The following SLC9A9 variants were observed in gnomAD, a reference collection of about 807,000 sequenced individuals.
SLC9A9 encodes sodium/hydrogen exchanger 9.
In SLC9A9, 62 loss-of-function variants were observed where a neutral mutation model predicts 77.8. The ratio of observed to expected loss-of-function variants is 0.80; its 90% CI spans 0.65 to 0.98. The LOEUF (loss-of-function observed/expected upper bound fraction) is 0.98. Ranked by LOEUF, SLC9A9 falls within the 50% of genes least tolerant of loss-of-function variation. The pLI, the probability that SLC9A9 is intolerant of heterozygous loss-of-function variation, is 0.00. For missense variants in SLC9A9, 775 were observed against 774.9 expected (o/e 1.00, Z 0.00); for synonymous variants, 320 against 283.5 (o/e 1.13, Z -1.29).
At chr3:143,470,483 A>AC (rs2035359972) in intron 11 of SLC9A9, among the ~76,000 whole-genome samples, 1 of 150,446 alleles carries the variant, frequency 6.6e-6, no homozygotes, top group African/African-American at 2.4e-5. Context: ...TCTGGCTCAA[A>AC]AAAAAAAAAA....
chr3:143,801,567 C>T (rs2108863785), intron 2 of SLC9A9, among the ~76,000 whole-genome samples: 1 of 152,256 alleles, frequency 6.6e-6, no homozygotes, highest in Middle Eastern at 3.4e-3. Flanking sequence ...ATGACTGTAT[C>T]TCTCTGATCC....
chr3:143,481,843 T>C (rs2035579890), intron 11 of SLC9A9, among the ~76,000 whole-genome samples: 1 of 152,208 alleles, frequency 6.6e-6, no homozygotes. Context: ...GGAGTTCCAT[T>C]AGCCTGGATA....
chr3:143,796,337 T>A (rs975307303), intron 3 of SLC9A9, among the ~76,000 whole-genome samples: 4 of 152,318 alleles, frequency 2.6e-5, no homozygotes, highest in African/African-American at 9.6e-5. Flanking sequence ...TCATCCAGAA[T>A]AATGCTGTCC....
At chr3:143,318,652 C>A (rs574940795) in intron 14 of SLC9A9, among the ~76,000 whole-genome samples, 1 of 152,168 alleles carries the variant, frequency 6.6e-6, no homozygotes, top group Non-Finnish European at 1.5e-5. Flanking sequence ...AGAGTCCTCA[C>A]CAGTTCTCCC....
chr3:143,516,793 T>C (rs2036209675), intron 9 of SLC9A9, among the ~76,000 whole-genome samples: 1 of 152,174 alleles, frequency 6.6e-6, no homozygotes, highest in African/African-American at 2.4e-5. Context: ...GTAAATTTGC[T>C]GGTCATAGGT....
At chr3:143,797,989 C>T (rs1451175943) in intron 2 of SLC9A9, among the ~76,000 whole-genome samples, 3 of 152,194 alleles carry the variant, frequency 2.0e-5, no homozygotes, top group Non-Finnish European at 4.4e-5. Context: ...GAGATCAACC[C>T]CTGTCCTCCT....
chr3:143,511,079 G>A (rs919918346), intron 9 of SLC9A9, among the ~76,000 whole-genome samples: 6 of 152,252 alleles, frequency 3.9e-5, no homozygotes, highest in Admixed American at 6.5e-5. Flanking sequence ...GCAGAAGATC[G>A]AGAAAAGAAT....
At chr3:143,620,079 C>T (rs2038175453) in intron 6 of SLC9A9, among the ~76,000 whole-genome samples, 1 of 152,162 alleles carries the variant, frequency 6.6e-6, no homozygotes, top group Non-Finnish European at 1.5e-5. Flanking sequence ...CTTCTGGTAG[C>T]CCCTGCCTCC....
At chr3:143,433,763 C>G (rs1044701816) in intron 12 of SLC9A9, among the ~76,000 whole-genome samples, 1 of 152,216 alleles carries the variant, frequency 6.6e-6, no homozygotes, top group African/African-American at 2.4e-5. Flanking sequence ...TATGCAGATT[C>G]CTGACAGCAG....
At chr3:143,316,029 T>C (rs2031198621) in intron 14 of SLC9A9, among the ~76,000 whole-genome samples, 2 of 152,342 alleles carry the variant, frequency 1.3e-5, no homozygotes, top group South Asian at 4.1e-4. Flanking sequence ...ATAATGTGTC[T>C]GGATTTCTGA....
chr3:143,615,791 C>T (rs1293958648), intron 6 of SLC9A9, among the ~76,000 whole-genome samples: 2 of 152,120 alleles, frequency 1.3e-5, no homozygotes, highest in South Asian at 2.1e-4. Context: ...AAAATAGGTG[C>T]TCAGGGAGAT....
intron 12 of SLC9A9, among the ~76,000 whole-genome samples, chr3:143,390,846 C>T (rs2033545963): frequency 6.6e-6 from 1 of 152,216 alleles, no homozygotes; most frequent in South Asian, 2.1e-4. Flanking sequence ...CAGAGCCTCA[C>T]TCATTGCTAG....
intron 4 of SLC9A9, among the ~76,000 whole-genome samples, chr3:143,709,193 G>T (rs1356156314): frequency 6.6e-6 from 1 of 152,048 alleles, no homozygotes; most frequent in African/African-American, 2.4e-5. Flanking sequence ...TCTCAAATTC[G>T]CTGCATATTA....
intron 14 of SLC9A9, among the ~76,000 whole-genome samples, chr3:143,270,076 T>C (rs1325701235): frequency 6.6e-6 from 1 of 152,216 alleles, no homozygotes. Flanking sequence ...CGAAGCCTTG[T>C]TATGATGCGA....
chr3:143,800,265 C>G (rs558425281), intron 2 of SLC9A9, among the ~76,000 whole-genome samples: 1 of 152,144 alleles, frequency 6.6e-6, no homozygotes, highest in Non-Finnish European at 1.5e-5. Context: ...TTACCCTGCT[C>G]AATGCCAATA....
Position 143,500,482 on chromosome 3 carries a change from T to G in SLC9A9, c.1090-5034A>C, listed in dbSNP as rs1417244226. 4.6e-5 allele frequency among the ~76,000 whole-genome samples: 7 copies of G among 152,158 alleles called. No homozygotes were observed. In the East Asian group the frequency reaches 1.3e-3, roughly 29 times the overall value. ...TTTCTCTCTTTATTATTTCCTGCCT[T>G]CAACATAGCTTAGTTTAACCTGTTT... On this transcript the variant is annotated intron_variant, in intron 9 of 15. Coordinates refer to ENST00000316549, the MANE Select transcript of SLC9A9 (RefSeq NM_173653.4).
At position 143,574,515 on chromosome 3, in the gene SLC9A9, C is replaced by T. The variant is rs1366962051; in HGVS notation, c.895-322G>A. Among the ~76,000 whole-genome samples the T allele has an allele frequency of 4.6e-5, 7 of 152,222 alleles. No homozygotes were observed. The East Asian group carries it at 9.7e-4, about 21-fold the overall frequency. On this transcript the variant is annotated intron_variant, in intron 7 of 15. Coordinates refer to ENST00000316549, the MANE Select transcript of SLC9A9 (RefSeq NM_173653.4). ...GATGCACCCCTCAGGAAAGGTGTAGCAGGCACGGAAAAACAAAGCCAAGGA... is the reference window on the plus strand; with the variant it reads ...GATGCACCCCTCAGGAAAGGTGTAGTAGGCACGGAAAAACAAAGCCAAGGA...
rs1226091104 is a variant in SLC9A9, at chr3:143,348,326, T to G, written c.1604+15158A>C. Reference sequence around the variant, plus strand: ...TAAGCAGCTATTGATGGCAGTCTGTTGGACTTTATTCCATTTATTTCTTTC... The same window carrying G: ...TAAGCAGCTATTGATGGCAGTCTGTGGGACTTTATTCCATTTATTTCTTTC... On this transcript the variant is annotated intron_variant, in intron 14 of 15. Transcript: ENST00000316549. Among the ~76,000 whole-genome samples the G allele has an allele frequency of 2.6e-5, 4 of 152,238 alleles. No homozygotes were observed. The East Asian group carries it at 7.7e-4, about 29-fold the overall frequency.
intron 4 of SLC9A9, among the ~76,000 whole-genome samples, chr3:143,718,387 A>AT (rs1172307891): frequency 1.3e-5 from 2 of 151,208 alleles, no homozygotes; most frequent in Admixed American, 6.6e-5. Flanking sequence ...TTGTTTCATG[A>AT]TTTTTTTGAA....
Sources: gnomAD v4.1 joint callset for allele counts (sites outside exome capture counted in the v4.1 genomes callset) on GRCh38, gnomAD v4.1.1 for gene constraint, MANE v1.5 for transcripts, NCBI Gene and HGNC (gene_info 2026-07-23, HGNC 2026-07-21) for gene names.